Variants in RANBP17 observed in about 807,000 individuals in gnomAD.
RANBP17 encodes the protein RAN binding protein 17.
RANBP17 carries 158 observed loss-of-function variants against 141.2 expected under a neutral mutation model. The ratio of observed to expected loss-of-function variants is 1.12; its 90% CI spans 0.98 to 1.28. RANBP17 has a LOEUF of 1.28. Among genes scored for constraint, RANBP17 ranks in the 50% most tolerant of loss-of-function variants. The pLI, the probability that RANBP17 is intolerant of heterozygous loss-of-function variation, is 0.00. For missense variants in RANBP17, 1,438 were observed against 1,290.7 expected, an observed-to-expected ratio of 1.11 and a Z score of -1.75; for synonymous variants, 430 against 450.0, an observed-to-expected ratio of 0.96 and a Z score of 0.56.
chr5:170,913,716 CTAAAG>C (rs1399609085), intron 7 of RANBP17, among the ~76,000 whole-genome samples: 9 of 151,728 alleles, frequency 5.9e-5, no homozygotes, highest in African/African-American at 1.2e-4. Context: ...CAGTTGATGT[CTAAAG>C]TAAAACAATC....
intron 14 of RANBP17, among the ~76,000 whole-genome samples, chr5:171,064,878 A>G (rs1010016400): frequency 1.3e-5 from 2 of 152,298 alleles, no homozygotes; most frequent in African/African-American, 4.8e-5. Flanking sequence ...TTTAAAAAAA[A>G]AAAATCCTTG....
At position 170,893,055 on chromosome 5, in the gene RANBP17, T is replaced by C. The variant is rs557795525; in HGVS notation, c.423+502T>C. On this transcript the variant is annotated intron_variant, in intron 4 of 27. Coordinates refer to ENST00000523189, the MANE Select transcript of RANBP17 (RefSeq NM_022897.5). ...TTTTTACACTATACCACATTGACTA[T>C]ATCAGTTTCTCAAGAATGTTTTCAA... is the stretch of plus-strand genomic sequence containing the variant. Among the ~76,000 whole-genome samples, 13 of 152,262 alleles carry C rather than the reference T, an allele frequency of 8.5e-5. No homozygotes were observed. The South Asian group carries it at 2.7e-3, about 32-fold the overall frequency.
intron 24 of RANBP17, among the ~76,000 whole-genome samples, chr5:171,254,889 T>C (rs1221189354): frequency 6.6e-6 from 1 of 152,238 alleles, no homozygotes; most frequent in East Asian, 1.9e-4. Context: ...CAAAAAGGAA[T>C]GTTTTTAGTC....
intron 12 of RANBP17, among the ~76,000 whole-genome samples, chr5:170,930,199 G>C (rs1385553382): frequency 6.6e-6 from 1 of 151,006 alleles, no homozygotes; most frequent in East Asian, 1.9e-4. Flanking sequence ...ACTTACTTTG[G>C]ATGTTATTTG....
intron 18 of RANBP17, among the ~76,000 whole-genome samples, chr5:171,195,927 C>A (rs1761953072): frequency 6.6e-6 from 1 of 152,118 alleles, no homozygotes; most frequent in Admixed American, 6.5e-5. Context: ...AATAAAGTAC[C>A]AAATCCATTG....
At chr5:171,035,833 G>A (rs1165045609) in intron 14 of RANBP17, among the ~76,000 whole-genome samples, 2 of 150,394 alleles carry the variant, frequency 1.3e-5, no homozygotes, top group African/African-American at 4.9e-5. Context: ...TAATGCTGAG[G>A]TTTGGGATAC....
intron 3 of RANBP17, among the ~76,000 whole-genome samples, chr5:170,883,176 A>G (rs934660940): frequency 6.6e-6 from 1 of 152,244 alleles, no homozygotes; most frequent in African/African-American, 2.4e-5. Context: ...AGCAAAGGAA[A>G]GGAGTTTACA....
At chr5:171,069,572 C>A (rs1784512668) in intron 14 of RANBP17, among the ~76,000 whole-genome samples, 1 of 152,160 alleles carries the variant, frequency 6.6e-6, no homozygotes, top group Non-Finnish European at 1.5e-5. Flanking sequence ...AAATTAAAAC[C>A]ATACTTAGTA....
At chr5:171,136,851 T>C (rs958840737) in intron 14 of RANBP17, among the ~76,000 whole-genome samples, 1 of 152,148 alleles carries the variant, frequency 6.6e-6, no homozygotes, top group Non-Finnish European at 1.5e-5. Flanking sequence ...TGTGAAGCTG[T>C]ATCGTTTGAG....
chr5:171,100,766 G>A (rs575111770), intron 14 of RANBP17, among the ~76,000 whole-genome samples: 7 of 152,176 alleles, frequency 4.6e-5, no homozygotes, highest in African/African-American at 9.6e-5. Flanking sequence ...TAAACACTGC[G>A]TTAGCTGTGT....
intron 14 of RANBP17, among the ~76,000 whole-genome samples, chr5:171,134,321 A>G (rs915861304): frequency 3.3e-5 from 5 of 152,350 alleles, no homozygotes; most frequent in African/African-American, 1.2e-4. Flanking sequence ...AGAAGATACA[A>G]TATTTAGCCT....
chr5:171,230,548 G>A (rs1335692619), intron 22 of RANBP17, among the ~76,000 whole-genome samples: 1 of 152,032 alleles, frequency 6.6e-6, no homozygotes, highest in Non-Finnish European at 1.5e-5. Flanking sequence ...ATCACCTGAG[G>A]TCAGGAGTTC....
At chr5:171,247,907 C>T (rs1052378493) in intron 24 of RANBP17, among the ~76,000 whole-genome samples, 5 of 152,070 alleles carry the variant, frequency 3.3e-5, no homozygotes, top group African/African-American at 1.2e-4. Flanking sequence ...TCATTATATG[C>T]GCTAAACAAA....
At chr5:171,033,713 G>T (rs1781691959) in intron 14 of RANBP17, among the ~76,000 whole-genome samples, 2 of 151,944 alleles carry the variant, frequency 1.3e-5, no homozygotes, top group Non-Finnish European at 2.9e-5. Flanking sequence ...ATTAAATTGT[G>T]CATATGTTCA....
chr5:170,875,210 T>C (rs1768082001), intron 1 of RANBP17, among the ~76,000 whole-genome samples: 1 of 152,348 alleles, frequency 6.6e-6, no homozygotes, highest in Admixed American at 6.5e-5. Context: ...GTTAGTCTGA[T>C]GGGCTTCCCT....
chr5:171,174,751 A>AGAGAGTGT, intron 16 of RANBP17, among the ~76,000 whole-genome samples: 1 of 135,716 alleles, frequency 7.4e-6, no homozygotes, highest in South Asian at 2.6e-4. Flanking sequence ...AAATATCTAG[A>AGAGAGTGT]GTGTGTGTGT....
intron 14 of RANBP17, among the ~76,000 whole-genome samples, chr5:171,029,533 C>A (rs1781427739): frequency 6.6e-6 from 1 of 152,042 alleles, no homozygotes; most frequent in Non-Finnish European, 1.5e-5. Flanking sequence ...GCCATGAATT[C>A]TTTCCTTTAA....
At chr5:171,229,398 G>A (rs970672821) in intron 22 of RANBP17, among the ~76,000 whole-genome samples, 1 of 151,694 alleles carries the variant, frequency 6.6e-6, no homozygotes, top group Non-Finnish European at 1.5e-5. Context: ...CTTTTTTGTT[G>A]TTTTTTTTGT....
intron 14 of RANBP17, among the ~76,000 whole-genome samples, chr5:171,000,033 A>C (rs1779092088): frequency 6.6e-6 from 1 of 152,260 alleles, no homozygotes; most frequent in East Asian, 1.9e-4. Context: ...TACTTCACAT[A>C]ATGTCCTTAA....
Sources: allele counts gnomAD v4.1 joint callset (sites outside exome capture counted in the v4.1 genomes callset), GRCh38; gene constraint gnomAD v4.1.1; transcripts MANE v1.5; gene names NCBI Gene and HGNC (gene_info 2026-07-23, HGNC 2026-07-21).